Variants in SPAG16 observed in about 807,000 individuals in gnomAD.
SPAG16 encodes sperm-associated antigen 16 protein.
In SPAG16, 86 loss-of-function variants were observed where a neutral mutation model predicts 80.4. The ratio of observed to expected loss-of-function variants is 1.07; its 90% CI spans 0.90 to 1.28. The LOEUF (loss-of-function observed/expected upper bound fraction) is 1.28, where lower values mean the gene tolerates loss of function less well. Among genes scored for constraint, SPAG16 ranks in the 50% most tolerant of loss-of-function variants. SPAG16 has a pLI of 0.00. For synonymous variants in SPAG16, 294 were observed against 265.9 expected (o/e 1.11, Z -1.03); for missense variants, 870 against 765.3 (o/e 1.14, Z -1.61).
At chr2:213,360,451 C>G (rs902533514) in intron 7 of SPAG16, among the ~76,000 whole-genome samples, 1 of 152,196 alleles carries the variant, frequency 6.6e-6, no homozygotes, top group Non-Finnish European at 1.5e-5. Flanking sequence ...TTATACAAGT[C>G]TAAACCAAGG....
chr2:214,042,007 TACAC>T (rs78420814), intron 13 of SPAG16, among the ~76,000 whole-genome samples: 56 of 101,250 alleles, frequency 5.5e-4, no homozygotes, highest in Non-Finnish European at 9.5e-4. Flanking sequence ...TATATATATA[TACAC>T]ACACACACAA....
chr2:213,862,378 T>C, intron 10 of SPAG16, 107 bp from the exon 11 acceptor site: 1 of 1,428,210 alleles, frequency 7.0e-7, no homozygotes, highest in Non-Finnish European at 9.6e-7. Flanking sequence ...CTCTCAAAAC[T>C]ATCCTGCCTT....
In SPAG16 at chr2:213,320,483, A is replaced by G. The variant is rs146177163; in HGVS notation, c.536+3127A>G. ...TTAACTGTAGTCACGCTACTGTGAT[A>G]TTGAACACTAGAAGTTAACCCTTCT... On this transcript the variant is annotated intron_variant, in intron 5 of 15. Coordinates refer to ENST00000331683, the MANE Select transcript of SPAG16 (RefSeq NM_024532.5). Among the ~76,000 whole-genome samples the G allele has an allele frequency of 1.8e-4, 27 of 152,062 alleles. 1 individual carries two copies. Among genetic ancestry groups the G allele is most frequent in the African/African-American group, 6.5e-4 (27 of 41,522 alleles).
intron 10 of SPAG16, among the ~76,000 whole-genome samples, chr2:213,670,039 G>A (rs1438928614): frequency 1.3e-5 from 2 of 149,120 alleles, no homozygotes; most frequent in Non-Finnish European, 3.0e-5. Flanking sequence ...GCTCTGTCAC[G>A]CAGGCTGGAA....
chr2:214,202,653 T>C (rs1418787379), intron 15 of SPAG16, among the ~76,000 whole-genome samples: 3 of 151,630 alleles, frequency 2.0e-5, no homozygotes, highest in African/African-American at 7.3e-5. Context: ...CTGGCAGGAG[T>C]TTGAAGCAGT....
intron 10 of SPAG16, among the ~76,000 whole-genome samples, chr2:213,814,517 T>G (rs980126255): frequency 5.9e-5 from 9 of 152,026 alleles, no homozygotes; most frequent in Non-Finnish European, 1.2e-4. Flanking sequence ...ATAGCCCAAG[T>G]GAAGTGGCTC....
At chr2:214,325,417 C>T (rs1473036540) in intron 15 of SPAG16, among the ~76,000 whole-genome samples, 1 of 152,076 alleles carries the variant, frequency 6.6e-6, no homozygotes, top group Non-Finnish European at 1.5e-5. Flanking sequence ...AGGCATTATT[C>T]TTTTTAGAAC....
chr2:213,405,755 C>A (rs1384947913), intron 9 of SPAG16, among the ~76,000 whole-genome samples: 1 of 152,144 alleles, frequency 6.6e-6, no homozygotes, highest in Non-Finnish European at 1.5e-5. Context: ...TGGTTTGTTT[C>A]ACTTAATGTA....
intron 10 of SPAG16, among the ~76,000 whole-genome samples, chr2:213,494,465 C>A (rs1009470255): frequency 2.6e-5 from 4 of 152,150 alleles, no homozygotes; most frequent in Admixed American, 2.0e-4. Flanking sequence ...TTCCTCATTC[C>A]CTCACCCTGC....
chr2:213,923,457 T>G (rs977348996), intron 11 of SPAG16, among the ~76,000 whole-genome samples: 1 of 152,132 alleles, frequency 6.6e-6, no homozygotes, highest in Non-Finnish European at 1.5e-5. Flanking sequence ...GTTGCCTGCC[T>G]TGCAGGGTCA....
At chr2:213,530,443 C>T (rs557554876) in intron 10 of SPAG16, among the ~76,000 whole-genome samples, 67 of 152,214 alleles carry the variant, frequency 4.4e-4, no homozygotes, top group Admixed American at 6.5e-4. Flanking sequence ...CATTATGTAG[C>T]GCATGACTGT....
At chr2:213,730,036 A>G (rs1167513747) in intron 10 of SPAG16, among the ~76,000 whole-genome samples, 2 of 152,222 alleles carry the variant, frequency 1.3e-5, no homozygotes, top group Admixed American at 6.5e-5. Flanking sequence ...TCATTTATAA[A>G]TCATGGTCTG....
At chr2:213,684,318 T>C (rs2064552685) in intron 10 of SPAG16, among the ~76,000 whole-genome samples, 1 of 152,204 alleles carries the variant, frequency 6.6e-6, no homozygotes, top group Non-Finnish European at 1.5e-5. Flanking sequence ...TTTAAGTTTA[T>C]ACTAAAGGCA....
At chr2:213,681,051 G>C (rs942365490) in intron 10 of SPAG16, among the ~76,000 whole-genome samples, 1 of 152,156 alleles carries the variant, frequency 6.6e-6, no homozygotes, top group African/African-American at 2.4e-5. Flanking sequence ...CAGAGAGAGA[G>C]AGCAGGTTAT....
chr2:213,928,659 A>G (rs142705875), intron 11 of SPAG16, among the ~76,000 whole-genome samples: 167 of 152,286 alleles, frequency 1.1e-3, no homozygotes, highest in African/African-American at 3.7e-3. Flanking sequence ...ATGCATTTCT[A>G]TATTTACTTA....
At chr2:214,175,510 T>A (rs2125648595) in intron 15 of SPAG16, among the ~76,000 whole-genome samples, 1 of 151,264 alleles carries the variant, frequency 6.6e-6, no homozygotes, top group East Asian at 2.0e-4. Flanking sequence ...AACATCTGAT[T>A]AGCAGAGCAC....
intron 10 of SPAG16, among the ~76,000 whole-genome samples, chr2:213,507,746 A>G (rs1217470150): frequency 6.6e-6 from 1 of 152,218 alleles, no homozygotes; most frequent in African/African-American, 2.4e-5. Flanking sequence ...ATTTGTTGAC[A>G]GGATGATTCG....
chr2:213,284,500 G>A lies in SPAG16; in HGVS notation c.17G>A (p.Gly6Glu), dbSNP rs761002635. 11 of 1,574,292 alleles carry A rather than the reference G, an allele frequency of 7.0e-6. No individual in the cohort carries two copies. The highest frequency in any genetic ancestry group is 7.8e-6 in the Non-Finnish European group (9 of 1,160,206). Residue 6 changes from glycine (G) to glutamate (E), a missense_variant, in exon 1 of 16, where the codon GGG (glycine) becomes GAG (glutamate). Transcript: ENST00000331683. Reference sequence around the variant, plus strand: ...GCGCCAGAGATGGCTGCTCAGCGAGGGATGCCCAGCTCCGCCGTGAGGGTC... The same window carrying A: ...GCGCCAGAGATGGCTGCTCAGCGAGAGATGCCCAGCTCCGCCGTGAGGGTC... Reference protein sequence around the residue: MAAQRGMPSSAVRVLE... With the variant: MAAQREMPSSAVRVLE...
chr2:213,288,927 C>T (rs1328429702), intron 1 of SPAG16, among the ~76,000 whole-genome samples: 1 of 152,164 alleles, frequency 6.6e-6, no homozygotes, highest in Non-Finnish European at 1.5e-5. Flanking sequence ...AAAGGATACA[C>T]AACCTGCATA....
Sources: gnomAD v4.1 joint callset for allele counts (sites outside exome capture counted in the v4.1 genomes callset) on GRCh38, gnomAD v4.1.1 for gene constraint, MANE v1.5 for transcripts, NCBI Gene and HGNC (gene_info 2026-07-23, HGNC 2026-07-21) for gene names.